Variants in VWA3B observed in about 807,000 individuals in gnomAD.
The protein encoded by VWA3B is von Willebrand factor A domain containing 3B.
Under a neutral mutation model 158.3 loss-of-function variants are expected in VWA3B, and 138 were observed. That is an observed-to-expected ratio of 0.87 (90% CI 0.76 to 1.00). The LOEUF (loss-of-function observed/expected upper bound fraction) is 1.00. Among genes scored for constraint, VWA3B ranks in the 50% least tolerant of loss-of-function variants. The pLI is 0.00. For missense variants in VWA3B, 1,555 were observed against 1,565.1 expected (o/e 0.99, Z 0.11); for synonymous variants, 596 against 587.3 (o/e 1.01, Z -0.21).
chr2:98,130,850 T>C (rs889034455), intron 6 of VWA3B, among the ~76,000 whole-genome samples: 3 of 152,224 alleles, frequency 2.0e-5, no homozygotes, highest in African/African-American at 7.2e-5. Context: ...TGATATTCTG[T>C]TGCATGCATA....
chr2:98,203,038 G>A (rs541480078), intron 12 of VWA3B, among the ~76,000 whole-genome samples: 55 of 152,108 alleles, frequency 3.6e-4, no homozygotes, highest in East Asian at 7.7e-4. Flanking sequence ...TCTCCATGTT[G>A]GCCAGGATGT....
intron 1 of VWA3B, among the ~76,000 whole-genome samples, chr2:98,087,572 C>G (rs1212367665): frequency 1.3e-5 from 2 of 152,110 alleles, no homozygotes; most frequent in Non-Finnish European, 2.9e-5. Context: ...GGTCAAGGTA[C>G]CGACCCCTCC....
chr2:98,157,422 A>T (rs750603205), intron 7 of VWA3B, among the ~76,000 whole-genome samples: 4 of 152,190 alleles, frequency 2.6e-5, no homozygotes, highest in Admixed American at 1.3e-4. Flanking sequence ...ACAACAAAAC[A>T]TCTTAACATA....
intron 2 of VWA3B, among the ~76,000 whole-genome samples, chr2:98,111,790 A>G (rs1017323885): frequency 2.6e-5 from 4 of 152,126 alleles, no homozygotes; most frequent in Non-Finnish European, 2.9e-5. Flanking sequence ...GATTCTGGAT[A>G]TTCAATCTTT....
intron 5 of VWA3B, chr2:98,128,008 T>C (rs1193529760): frequency 2.2e-6 from 1 of 447,896 alleles, no homozygotes; most frequent in East Asian, 3.5e-5. Context: ...CATATTCTTC[T>C]CGTGCCTTAC....
intron 1 of VWA3B, among the ~76,000 whole-genome samples, chr2:98,092,453 A>G (rs548750288): frequency 4.6e-5 from 7 of 151,994 alleles, no homozygotes; most frequent in Non-Finnish European, 1.0e-4. Flanking sequence ...GACCAGCCTG[A>G]CCAACATGGT....
chr2:98,115,833 G>T (rs1468832755), intron 3 of VWA3B, 87 bp downstream of exon 3: 4 of 1,119,428 alleles, frequency 3.6e-6, no homozygotes, highest in East Asian at 4.9e-5. Flanking sequence ...GACTTGTGCT[G>T]CTTGGCAGGG....
intron 13 of VWA3B, among the ~76,000 whole-genome samples, chr2:98,213,593 G>A (rs531127215): frequency 5.3e-5 from 8 of 152,314 alleles, no homozygotes; most frequent in Non-Finnish European, 1.0e-4. Flanking sequence ...GAGTCAGGAT[G>A]ACTGATTCCT....
intron 12 of VWA3B, chr2:98,206,017 T>G (rs1233606784): frequency 6.6e-6 from 1 of 152,248 alleles, no homozygotes; most frequent in Non-Finnish European, 1.5e-5. Context: ...TGGAGTATTC[T>G]ATAAATCTCA....
intron 7 of VWA3B, among the ~76,000 whole-genome samples, chr2:98,145,026 G>A (rs1176502549): frequency 2.0e-5 from 3 of 152,288 alleles, no homozygotes; most frequent in South Asian, 2.1e-4. Flanking sequence ...AGGCCAGCTC[G>A]ATTAGTTTTT....
intron 14 of VWA3B, among the ~76,000 whole-genome samples, chr2:98,227,565 A>T (rs1236318567): frequency 1.3e-5 from 2 of 152,258 alleles, no homozygotes; most frequent in Non-Finnish European, 2.9e-5. Context: ...AGCAATAAGA[A>T]ATGAATGAAG....
chr2:98,312,724 A>G lies in VWA3B; in HGVS notation c.*375A>G, dbSNP rs929726341. 5.5e-6 allele frequency: 1 copy of G among 182,388 alleles called. No individual in the cohort carries two copies. Among genetic ancestry groups the G allele is most frequent in the Non-Finnish European group, 1.1e-5 (1 of 87,188 alleles). 11.3% of individuals were successfully genotyped at this position (182,388 alleles called of 1,614,324 possible). The stretch of plus-strand genomic sequence containing the variant: ...AAGCCCGCAATCTTGTTTTAAATTA[A>G]TTATCACATCTAAATTAGAGAATTT... On this transcript the variant is annotated 3_prime_UTR_variant, in exon 28 of 28. Coordinates refer to ENST00000477737, the MANE Select transcript of VWA3B (RefSeq NM_144992.5).
In VWA3B at chr2:98,312,500, C is replaced by T; in HGVS notation, c.*151C>T. ...CTGTCTGTAGCAAAGACTCCTCTCC[C>T]CTCCATCCCTGCTGCCTCCCCTACC... is the stretch of plus-strand genomic sequence containing the variant. On this transcript the variant is annotated 3_prime_UTR_variant, in exon 28 of 28. Coordinates refer to ENST00000477737, the MANE Select transcript of VWA3B (RefSeq NM_144992.5). The T allele has an allele frequency of 1.1e-6, 1 of 923,318 alleles. No individual in the cohort carries two copies. The highest frequency in any genetic ancestry group is 2.7e-5 in the East Asian group (1 of 37,378). 57.2% of individuals were successfully genotyped at this position (923,318 alleles called of 1,614,324 possible).
chr2:98,164,652 T>A (rs1250609722), intron 8 of VWA3B, among the ~76,000 whole-genome samples: 1 of 152,156 alleles, frequency 6.6e-6, no homozygotes, highest in East Asian at 1.9e-4. Flanking sequence ...TACAAAAAAA[T>A]ATTAGCAGTG....
chr2:98,288,301 A>G (rs2105940574), intron 22 of VWA3B, among the ~76,000 whole-genome samples: 1 of 152,300 alleles, frequency 6.6e-6, no homozygotes, highest in East Asian at 1.9e-4. Flanking sequence ...TTAGGTTTAG[A>G]CTGCAAGCTC....
At chr2:98,110,008 C>G (rs1334992712) in intron 2 of VWA3B, among the ~76,000 whole-genome samples, 1 of 151,328 alleles carries the variant, frequency 6.6e-6, no homozygotes. Context: ...CACTCAGATT[C>G]TTGAATCTGT....
intron 9 of VWA3B, 128 bp downstream of exon 9, chr2:98,181,340 G>T: frequency 4.0e-6 from 4 of 1,003,798 alleles, no homozygotes; most frequent in Non-Finnish European, 5.9e-6. Flanking sequence ...TTTCTGTGAA[G>T]AACAGGGTTC....
intron 19 of VWA3B, among the ~76,000 whole-genome samples, chr2:98,249,345 G>A (rs1686644586): frequency 6.6e-6 from 1 of 152,010 alleles, no homozygotes; most frequent in Non-Finnish European, 1.5e-5. Context: ...GAGAGAGGTA[G>A]GTAATATGCA....
chr2:98,263,090 A>G (rs187048127), intron 21 of VWA3B, among the ~76,000 whole-genome samples: 1 of 151,882 alleles, frequency 6.6e-6, no homozygotes, highest in Non-Finnish European at 1.5e-5. Flanking sequence ...TTGTTAGTGT[A>G]TAGAAATGCA....
Sources: gnomAD v4.1 joint callset for allele counts (sites outside exome capture counted in the v4.1 genomes callset) on GRCh38, gnomAD v4.1.1 for gene constraint, MANE v1.5 for transcripts, NCBI Gene and HGNC (gene_info 2026-07-23, HGNC 2026-07-21) for gene names.